The following STK32B variants were observed in gnomAD, a reference collection of about 807,000 sequenced individuals.
The protein encoded by STK32B is serine/threonine-protein kinase 32B.
Under a neutral mutation model 52.6 loss-of-function variants are expected in STK32B, and 43 were observed. The ratio of observed to expected loss-of-function variants is 0.82; its 90% CI spans 0.64 to 1.05. STK32B has a LOEUF of 1.05. STK32B is among the 50% of genes least tolerant of loss of function. STK32B has a pLI of 0.00. For missense variants in STK32B, 621 were observed against 534.6 expected, an observed-to-expected ratio of 1.16 and a Z score of -1.59; for synonymous variants, 238 against 204.3, an observed-to-expected ratio of 1.17 and a Z score of -1.41.
chr4:5,071,408 A>C (rs1711762907), intron 1 of STK32B, among the ~76,000 whole-genome samples: 1 of 152,314 alleles, frequency 6.6e-6, no homozygotes, highest in Non-Finnish European at 1.5e-5. Context: ...TCCTGTGGAA[A>C]ATGCCAGTGA....
intron 1 of STK32B, chr4:5,127,073 C>G (rs1381306498): frequency 5.9e-6 from 3 of 506,398 alleles, no homozygotes; most frequent in Non-Finnish European, 1.2e-5. Context: ...TTGGTGCTGC[C>G]TAAGTGCTTT....
chr4:5,097,910 C>T (rs1342631443), intron 1 of STK32B, among the ~76,000 whole-genome samples: 1 of 152,168 alleles, frequency 6.6e-6, no homozygotes, highest in Admixed American at 6.5e-5. Context: ...CTGGGCTAGG[C>T]TTAGATCATC....
intron 1 of STK32B, among the ~76,000 whole-genome samples, chr4:5,054,906 C>T (rs1331473358): frequency 6.6e-6 from 1 of 152,276 alleles, no homozygotes; most frequent in Admixed American, 6.5e-5. Flanking sequence ...GCTGTTCACG[C>T]TCACATGATA....
intron 4 of STK32B, among the ~76,000 whole-genome samples, chr4:5,344,186 A>G (rs142388084): frequency 3.9e-5 from 6 of 152,314 alleles, no homozygotes; most frequent in Non-Finnish European, 7.3e-5. Context: ...ATAAATATGA[A>G]GCTATAAACA....
At chr4:5,204,471 T>TTGTTTTGTTTTGTTG (rs1168973439) in intron 3 of STK32B, among the ~76,000 whole-genome samples, 1 of 151,764 alleles carries the variant, frequency 6.6e-6, no homozygotes, top group Non-Finnish European at 1.5e-5. Context: ...TTGTTTTGTT[T>TTGTTTTGTTTTGTTG]TGTTTTGTTT....
intron 3 of STK32B, among the ~76,000 whole-genome samples, chr4:5,287,854 C>T (rs1469519941): frequency 1.3e-5 from 2 of 151,976 alleles, no homozygotes; most frequent in African/African-American, 2.4e-5. Flanking sequence ...CAATCATTAC[C>T]ACTAACTTCA....
chr4:5,169,426 G>A (rs914010894), intron 3 of STK32B, among the ~76,000 whole-genome samples: 1 of 152,136 alleles, frequency 6.6e-6, no homozygotes, highest in Non-Finnish European at 1.5e-5. Flanking sequence ...AGTTGGGATG[G>A]CCACCCTGGA....
At chr4:5,176,015 C>T (rs1211535440) in intron 3 of STK32B, among the ~76,000 whole-genome samples, 1 of 152,240 alleles carries the variant, frequency 6.6e-6, no homozygotes, top group Non-Finnish European at 1.5e-5. Flanking sequence ...CGCCCCTCCC[C>T]AAGCCTCGCT....
rs972541635 is a variant in STK32B at position 5,400,388 on chromosome 4, C to T, written c.472+2144C>T. 4.5e-4 allele frequency among the ~76,000 whole-genome samples: 69 copies of T among 152,122 alleles called. No homozygotes were observed. The highest frequency in any genetic ancestry group is 4.5e-3 in the Admixed American group (69 of 15,264). On this transcript the variant is annotated intron_variant, in intron 5 of 11. Transcript: ENST00000282908. The surrounding 1 kb of genome is among the most constrained non-coding windows in gnomAD (Gnocchi z 6.1). The stretch of plus-strand genomic sequence containing the variant: ...CGTTCTGCCCCCTTGAGCTCCTCAT[C>T]TTTTTCCACCCCCTGCTTGGCCTTC...
chr4:5,357,792 A>T (rs983840512), intron 4 of STK32B, among the ~76,000 whole-genome samples: 4 of 139,208 alleles, frequency 2.9e-5, no homozygotes, highest in Non-Finnish European at 6.1e-5. Context: ...AACAGGGGGA[A>T]AACTGATAAC....
At chr4:5,350,174 C>T (rs367853946) in intron 4 of STK32B, among the ~76,000 whole-genome samples, 1 of 151,686 alleles carries the variant, frequency 6.6e-6, no homozygotes, top group Non-Finnish European at 1.5e-5. Context: ...ACATTCTAGT[C>T]AAAATGTCAA....
intron 6 of STK32B, among the ~76,000 whole-genome samples, chr4:5,440,769 A>G (rs1170476919): frequency 3.9e-5 from 6 of 152,116 alleles, no homozygotes; most frequent in African/African-American, 1.2e-4. Flanking sequence ...ATTATTTTGA[A>G]ATATGTCCCA....
intron 2 of STK32B, among the ~76,000 whole-genome samples, chr4:5,159,600 TATATATATGAATATATATGA>T (rs1283965387): frequency 3.2e-5 from 3 of 92,716 alleles, no homozygotes; most frequent in Non-Finnish European, 5.7e-5. Flanking sequence ...TATATATGAA[TATATATATGAATATATATGA>T]ATATATATGA....
intron 3 of STK32B, among the ~76,000 whole-genome samples, chr4:5,298,014 T>C (rs1729316898): frequency 6.6e-6 from 1 of 152,236 alleles, no homozygotes; most frequent in Admixed American, 6.5e-5. Flanking sequence ...TTTCTGTTTG[T>C]TAGTTTTCAT....
chr4:5,080,338 A>G (rs1192702441), intron 1 of STK32B, among the ~76,000 whole-genome samples: 1 of 152,052 alleles, frequency 6.6e-6, no homozygotes, highest in Non-Finnish European at 1.5e-5. Flanking sequence ...CTGCTGTCAC[A>G]TTTGCTTTCT....
At chr4:5,101,016 A>C (rs1713756707) in intron 1 of STK32B, among the ~76,000 whole-genome samples, 1 of 152,028 alleles carries the variant, frequency 6.6e-6, no homozygotes, top group Non-Finnish European at 1.5e-5. Flanking sequence ...CACCTGCCTC[A>C]GTCTCCTGAA....
intron 4 of STK32B, among the ~76,000 whole-genome samples, chr4:5,338,857 G>C (rs115323541): frequency 1.3e-5 from 2 of 152,174 alleles, no homozygotes; most frequent in African/African-American, 4.8e-5. Flanking sequence ...TTAATTTTCT[G>C]TGTCAATTTG....
intron 4 of STK32B, among the ~76,000 whole-genome samples, chr4:5,341,205 A>G (rs1428161852): frequency 6.6e-6 from 1 of 152,194 alleles, no homozygotes; most frequent in Non-Finnish European, 1.5e-5. Context: ...CATGGTGTGG[A>G]TGAGGCAGCA....
At chr4:5,342,842 A>G (rs1199545002) in intron 4 of STK32B, among the ~76,000 whole-genome samples, 1 of 152,254 alleles carries the variant, frequency 6.6e-6, no homozygotes, top group Non-Finnish European at 1.5e-5. Context: ...TGAAGAAATA[A>G]TAAAGTAAGA....
Sources: gnomAD v4.1 joint callset for allele counts (sites outside exome capture counted in the v4.1 genomes callset) on GRCh38, gnomAD v4.1.1 for gene constraint, Gnocchi (gnomAD v3.1) non-coding constraint, MANE v1.5 for transcripts, NCBI Gene and HGNC (gene_info 2026-07-23, HGNC 2026-07-21) for gene names.